Variants in KIAA1671 observed in about 807,000 individuals in gnomAD.
KIAA1671 encodes KIAA1671.
KIAA1671 carries 52 observed loss-of-function variants against 131.2 expected under a neutral mutation model. The ratio of observed to expected loss-of-function variants is 0.40; its 90% CI spans 0.32 to 0.50. KIAA1671 has a LOEUF of 0.50. KIAA1671 is among the 20% of genes least tolerant of loss of function. The pLI, the probability that KIAA1671 is intolerant of heterozygous loss-of-function variation, is 0.73. For synonymous variants in KIAA1671, 1,003 were observed against 961.6 expected, an observed-to-expected ratio of 1.04 and a Z score of -0.80; for missense variants, 2,360 against 2,364.2, an observed-to-expected ratio of 1.00 and a Z score of 0.04.
chr22:25,041,737 C>G (rs1310441058), intron 5 of KIAA1671, among the ~76,000 whole-genome samples: 2 of 151,834 alleles, frequency 1.3e-5, no homozygotes, highest in Non-Finnish European at 2.9e-5. Flanking sequence ...CCACCTGGTT[C>G]TTTGTTTGTT....
At chr22:25,076,792 C>T (rs1383885973) in intron 6 of KIAA1671, among the ~76,000 whole-genome samples, 1 of 152,208 alleles carries the variant, frequency 6.6e-6, no homozygotes, top group African/African-American at 2.4e-5. Flanking sequence ...GTCACCATCA[C>T]CACCACCACT....
At chr22:25,108,138 T>G (rs1281138398) in intron 6 of KIAA1671, among the ~76,000 whole-genome samples, 7 of 152,230 alleles carry the variant, frequency 4.6e-5, no homozygotes, top group Non-Finnish European at 1.0e-4. Flanking sequence ...ATATATCAGT[T>G]TTCATGTCCA....
intron 6 of KIAA1671, among the ~76,000 whole-genome samples, chr22:25,132,049 T>C (rs1003589479): frequency 1.3e-5 from 2 of 152,196 alleles, no homozygotes; most frequent in Non-Finnish European, 2.9e-5. Flanking sequence ...AGTGCTGTTA[T>C]ATTATTCCCA....
chr22:24,980,360 C>G (rs1218891083), intron 1 of KIAA1671, among the ~76,000 whole-genome samples: 1 of 151,124 alleles, frequency 6.6e-6, no homozygotes, highest in African/African-American at 2.4e-5. Flanking sequence ...CAACCTCCAC[C>G]TCCCGGATTC....
intron 1 of KIAA1671, among the ~76,000 whole-genome samples, chr22:24,964,210 T>C (rs2123802520): frequency 1.3e-5 from 2 of 151,910 alleles, no homozygotes; most frequent in South Asian, 4.2e-4. Flanking sequence ...ATGCCTATAG[T>C]CCTAGCTACT....
At chr22:25,077,923 A>G (rs1929203073) in intron 6 of KIAA1671, among the ~76,000 whole-genome samples, 1 of 152,226 alleles carries the variant, frequency 6.6e-6, no homozygotes, top group Admixed American at 6.5e-5. Context: ...TGAAACAGCA[A>G]AAGATATTAT....
At chr22:25,149,350 G>T (rs1390187648) in intron 6 of KIAA1671, among the ~76,000 whole-genome samples, 1 of 152,174 alleles carries the variant, frequency 6.6e-6, no homozygotes, top group East Asian at 1.9e-4. Context: ...GGCCCCTCAG[G>T]GGACTGAGAC....
At chr22:25,183,337 G>A (rs546590274) in intron 10 of KIAA1671, among the ~76,000 whole-genome samples, 6 of 152,140 alleles carry the variant, frequency 3.9e-5, no homozygotes, top group East Asian at 1.9e-4. Flanking sequence ...TAGTGGATGC[G>A]TGCTTGTGTC....
intron 1 of KIAA1671, among the ~76,000 whole-genome samples, chr22:24,959,110 C>T (rs1369110737): frequency 6.6e-6 from 1 of 151,882 alleles, no homozygotes; most frequent in Admixed American, 6.6e-5. Context: ...CTGCAGTGAG[C>T]TTTGATTGCA....
intron 10 of KIAA1671, among the ~76,000 whole-genome samples, chr22:25,183,479 T>C (rs1934363903): frequency 1.1e-5 from 1 of 95,016 alleles, no homozygotes; most frequent in African/African-American, 3.6e-5. Flanking sequence ...CCTTCCTTCC[T>C]TTCTCTTTCT....
At chr22:25,091,095 T>A (rs1930005025) in intron 6 of KIAA1671, among the ~76,000 whole-genome samples, 2 of 152,176 alleles carry the variant, frequency 1.3e-5, no homozygotes, top group South Asian at 4.1e-4. Flanking sequence ...TCTTGCTCTG[T>A]CACCCAGGCT....
At chr22:25,047,484 T>C (rs9612834) in intron 5 of KIAA1671, among the ~76,000 whole-genome samples, 34,641 of 146,586 alleles carry the variant, frequency 0.24, 5,966 homozygotes, top group African/African-American at 0.5. Flanking sequence ...TTTTTTTTTT[T>C]TTGAGATGGA....
intron 6 of KIAA1671, chr22:25,062,262 CTCT>C (rs1928198876): frequency 6.5e-6 from 1 of 153,148 alleles, no homozygotes; most frequent in Non-Finnish European, 1.5e-5. Flanking sequence ...TCTCCTCCTC[CTCT>C]TTTTTCTTCT....
chr22:25,180,784 T>A lies in KIAA1671; in HGVS notation c.5075-915T>A, dbSNP rs1208665289. 6.6e-5 allele frequency among the ~76,000 whole-genome samples: 10 copies of A among 152,214 alleles called. 1 individual carries two copies. The highest frequency in any genetic ancestry group is 5.9e-4 in the Admixed American group (9 of 15,280). ...TTCTCTCTCCCACTCCTATCCCATTTCTGTTATTAAAGGAAATGTTTAAGT... is the reference window on the plus strand; with the variant it reads ...TTCTCTCTCCCACTCCTATCCCATTACTGTTATTAAAGGAAATGTTTAAGT... On this transcript the variant is annotated intron_variant, in intron 9 of 12. Coordinates refer to ENST00000358431, the MANE Select transcript of KIAA1671 (RefSeq NM_001145206.2).
At chr22:25,098,404 GA>G (rs1930492914) in intron 6 of KIAA1671, among the ~76,000 whole-genome samples, 1 of 152,128 alleles carries the variant, frequency 6.6e-6, no homozygotes, top group Non-Finnish European at 1.5e-5. Context: ...CAATAGCAGA[GA>G]CTAAGACATA....
intron 6 of KIAA1671, among the ~76,000 whole-genome samples, chr22:25,155,143 C>T (rs1933185418): frequency 6.6e-6 from 1 of 152,176 alleles, no homozygotes; most frequent in Admixed American, 6.5e-5. Flanking sequence ...CTTTTTAAAC[C>T]TATTCATAAT....
intron 5 of KIAA1671, among the ~76,000 whole-genome samples, chr22:25,046,187 A>C (rs1927215947): frequency 6.6e-6 from 1 of 152,134 alleles, no homozygotes; most frequent in African/African-American, 2.4e-5. Flanking sequence ...CTGTAGACCC[A>C]GCTACTTAGG....
chr22:25,004,961 A>T (rs915976476), intron 1 of KIAA1671, among the ~76,000 whole-genome samples: 4 of 151,390 alleles, frequency 2.6e-5, no homozygotes, highest in Admixed American at 2.6e-4. Flanking sequence ...GAAAAAAAAA[A>T]GTGTAGAAGA....
intron 6 of KIAA1671, among the ~76,000 whole-genome samples, chr22:25,146,884 C>A (rs1251996540): frequency 1.3e-5 from 2 of 152,190 alleles, no homozygotes; most frequent in African/African-American, 4.8e-5. Flanking sequence ...TTGAGCTGGG[C>A]AGACCTCAGC....
Sources: allele counts gnomAD v4.1 joint callset (sites outside exome capture counted in the v4.1 genomes callset), GRCh38; gene constraint gnomAD v4.1.1; transcripts MANE v1.5; gene names NCBI Gene and HGNC (gene_info 2026-07-23, HGNC 2026-07-21).